Variants in MACF1 observed in about 807,000 individuals in gnomAD.
MACF1 encodes the protein microtubule-actin cross-linking factor 1.
In MACF1, 193 loss-of-function variants were observed where a neutral mutation model predicts 854.8. That is an observed-to-expected ratio of 0.23 (90% confidence interval 0.20 to 0.25). The LOEUF (loss-of-function observed/expected upper bound fraction) is 0.25, where lower values mean the gene tolerates loss of function less well. MACF1 is among the 10% of genes least tolerant of loss of function. The probability of loss-of-function intolerance (pLI) is 1.00; values close to 1 mark genes in which losing one functional copy is unlikely to be tolerated. For missense variants in MACF1, 7,722 were observed against 8,929.1 expected, an observed-to-expected ratio of 0.86 and a Z score of 5.45; for synonymous variants, 3,185 against 3,226.7, an observed-to-expected ratio of 0.99 and a Z score of 0.44.
chr1:39,375,078 C>G (rs1317753428), intron 52 of MACF1, among the ~76,000 whole-genome samples: 1 of 151,454 alleles, frequency 6.6e-6, no homozygotes, highest in African/African-American at 2.4e-5. Context: ...CCACTGCACT[C>G]CAGCCTGGGT....
chr1:39,155,408 A>G (rs1044468527), intron 2 of MACF1, among the ~76,000 whole-genome samples: 4 of 151,986 alleles, frequency 2.6e-5, no homozygotes, highest in Non-Finnish European at 5.9e-5. Context: ...TTAGGTGGGA[A>G]GAGTCTCTGA....
intron 1 of MACF1, among the ~76,000 whole-genome samples, chr1:39,217,008 C>G (rs1415350833): frequency 6.6e-6 from 1 of 152,154 alleles, no homozygotes; most frequent in African/African-American, 2.4e-5. Flanking sequence ...TAACCTTTCT[C>G]TAGCTCGGTT....
chr1:39,175,993 C>T (rs1457170589), intron 2 of MACF1, among the ~76,000 whole-genome samples: 2 of 150,030 alleles, frequency 1.3e-5, no homozygotes, highest in Admixed American at 1.3e-4. Flanking sequence ...ACCTGTAGTC[C>T]CAGCTACTCG....
chr1:39,309,688 C>T lies in MACF1; in HGVS notation c.2908C>T (p.Leu970=), dbSNP rs747536635. The change falls in exon 24 of 101, where the codon CTA becomes TTA. Residue 970 remains leucine, a synonymous_variant. Transcript: ENST00000564288. ...CCTTGACCTTGTACAGACCTGGAAC[C>T]TAGAAAAGGTAATTATGAAAACCTT... is the stretch of plus-strand genomic sequence containing the variant. ...KDLDLVQTWN[L]EKLRSSAPGE... 1 of 1,610,052 alleles carries T rather than the reference C, an allele frequency of 6.2e-7. No individual in the cohort carries two copies. Among genetic ancestry groups the T allele is most frequent in the South Asian group, 1.1e-5 (1 of 89,876 alleles).
rs749701899 is a variant in MACF1, at chr1:39,331,434, C to A, written c.4846C>A (p.Gln1616Lys). 3.7e-6 allele frequency: 6 copies of A among 1,614,126 alleles called. No homozygotes were observed. The highest frequency in any genetic ancestry group is 1.7e-5 in the Admixed American group (1 of 60,016). ...GATGTACCAGCAGCTCCGGGAGCTA[C>A]AGGATGCCCTGGCCTTAATAAGCAG... Reference protein sequence around the residue: ...PQMYQQLRELQDALALISRLT... With the variant: ...PQMYQQLRELKDALALISRLT... The change falls in exon 37 of 101, where the codon CAG becomes AAG. Residue 1616 changes from glutamine to lysine, a missense_variant. By Grantham distance (53) the Gln-to-Lys change is moderately conservative. Transcript: ENST00000564288.
At chr1:39,118,469 AT>A (rs1316985711) in intron 2 of MACF1, among the ~76,000 whole-genome samples, 2 of 152,238 alleles carry the variant, frequency 1.3e-5, no homozygotes, top group Non-Finnish European at 2.9e-5. Flanking sequence ...AATAAGTGTA[AT>A]AACAGTATTC....
At chr1:39,175,003 C>A (rs1294032014) in intron 2 of MACF1, among the ~76,000 whole-genome samples, 1 of 152,182 alleles carries the variant, frequency 6.6e-6, no homozygotes, top group Non-Finnish European at 1.5e-5. Context: ...CTACCTTCTT[C>A]CCCAAATTGC....
Position 39,413,736 on chromosome 1 carries a change from C to T in MACF1, c.15817-8638C>T, listed in dbSNP as rs1468052497. 2.5e-6 allele frequency: 4 copies of T among 1,605,476 alleles called. No homozygotes were observed. The African/African-American group carries it at 5.4e-5, about 22-fold the overall frequency. ...CAGTGCCCACCCCAGAGGAATCCGC[C>T]TCCGCAGCTGTTGCAGTGCCCACCC... is the stretch of plus-strand genomic sequence containing the variant. On this transcript the variant is annotated intron_variant, in intron 58 of 100. Coordinates refer to ENST00000564288, the MANE Select transcript of MACF1 (RefSeq NM_001394062.1).
At chr1:39,477,084 TATATATACACAC>T (rs1163008685) in intron 97 of MACF1, among the ~76,000 whole-genome samples, 1 of 12,774 alleles carries the variant, frequency 7.8e-5, no homozygotes, top group African/African-American at 2.8e-4. Context: ...TATATATATA[TATATATACACAC>T]ACACACATAT....
chr1:39,332,439 A>G lies in MACF1; in HGVS notation c.5851A>G (p.Ser1951Gly), dbSNP rs369196234. The G allele has an allele frequency of 6.2e-6, 10 of 1,613,948 alleles. No individual in the cohort carries two copies. Among genetic ancestry groups the G allele is most frequent in the Non-Finnish European group, 8.5e-6 (10 of 1,180,024 alleles). Residue 1951 changes from serine to glycine, a missense_variant, in exon 37 of 101, where the codon AGC (serine) becomes GGC (glycine). Physicochemically the swap from Ser to Gly is moderately conservative, Grantham distance 56 (BLOSUM62 0). Around this residue, in one of 15 missense-constraint regions of MACF1, gnomAD observed 1,531 missense variants for 1,601.6 expected, o/e 0.96. Coordinates refer to ENST00000564288, the MANE Select transcript of MACF1 (RefSeq NM_001394062.1). ...PGAAVLPCSK[S>G]HPKATASQSE... is the part of the protein sequence containing the mutation. ...AGCAGCAGTTCTACCGTGCAGCAAG[A>G]GCCACCCTAAGGCCACAGCAAGCCA...
chr1:39,403,387 C>T (rs1037072235), intron 58 of MACF1, among the ~76,000 whole-genome samples: 1 of 152,224 alleles, frequency 6.6e-6, no homozygotes, highest in African/African-American at 2.4e-5. Context: ...GTGTGAGCCA[C>T]CACGCCTGGC....
intron 2 of MACF1, among the ~76,000 whole-genome samples, chr1:39,172,560 T>C (rs1054924552): frequency 3.4e-4 from 51 of 152,136 alleles, no homozygotes; most frequent in African/African-American, 1.2e-3. Context: ...CCTCAAGATT[T>C]GGTACCATTA....
chr1:39,335,055 C>T lies in MACF1; in HGVS notation c.8467C>T (p.Gln2823Ter). The T allele has an allele frequency of 6.2e-7, 1 of 1,613,862 alleles. No homozygotes were observed. The highest frequency in any genetic ancestry group is 8.5e-7 in the Non-Finnish European group (1 of 1,179,952). ...ATTTCAAGTTGAAAATCAGTCTGCA[C>T]AAGAAAAGGTTAAAGTGAGAGTTTC... Reference protein sequence around the residue: ...RLFQVENQSAQEKVKVRVSDG... With the variant: ...RLFQVENQSA Residue 2823 changes from glutamine (Q) to a stop codon, truncating the protein, a stop_gained, in exon 37 of 101, where the codon CAA becomes TAA. Coordinates refer to ENST00000564288, the MANE Select transcript of MACF1 (RefSeq NM_001394062.1). LOFTEE classifies it high-confidence loss of function.
At chr1:39,307,783 A>G (rs1212734025) in intron 23 of MACF1, among the ~76,000 whole-genome samples, 1 of 151,268 alleles carries the variant, frequency 6.6e-6, no homozygotes, top group African/African-American at 2.4e-5. Flanking sequence ...CATGTTGGCC[A>G]GGCTGGTCTT....
chr1:39,146,127 G>A (rs1457138706), intron 2 of MACF1, among the ~76,000 whole-genome samples: 11 of 152,236 alleles, frequency 7.2e-5, no homozygotes, highest in Non-Finnish European at 4.4e-5. Flanking sequence ...CCACCTAAGT[G>A]TCCATCAACA....
chr1:39,418,160 G>A (rs1235940804), intron 58 of MACF1, among the ~76,000 whole-genome samples: 1 of 152,240 alleles, frequency 6.6e-6, no homozygotes, highest in East Asian at 1.9e-4. Flanking sequence ...TGGGGCTGAG[G>A]GAGTTATCAA....
chr1:39,355,710 C>A (rs868686744), intron 44 of MACF1, among the ~76,000 whole-genome samples: 1 of 152,026 alleles, frequency 6.6e-6, no homozygotes, highest in Non-Finnish European at 1.5e-5. Context: ...GTGATCCACC[C>A]GCCTTGGCCT....
chr1:39,310,574 T>G, intron 25 of MACF1, 146 bp downstream of exon 25: 1 of 907,284 alleles, frequency 1.1e-6, no homozygotes, highest in Non-Finnish European at 1.6e-6. Context: ...GAAGAACTTA[T>G]AGATGAATTC....
At position 39,439,309 on chromosome 1, in the gene MACF1, T is replaced by A. The variant is rs371375394; in HGVS notation, c.18256T>A (p.Trp6086Arg). Residue 6086 changes from tryptophan (W) to arginine (R), a missense_variant, in exon 72 of 101, where the codon TGG (tryptophan) becomes AGG (arginine). By Grantham distance (101) the Trp-to-Arg change is moderately radical (BLOSUM62 -3). This residue lies in a region of MACF1 where 2,807 missense variants were observed against 3,235.8 expected (regional missense o/e 0.87). Transcript: ENST00000564288. ...TAAATTGGATCAAATGGTATTCTTC[T>A]GGGAGGACATCAAAGCTCGGGCTGA... ...QDKLDQMVFFWEDIKARAEER... is the reference protein window; with the variant it reads ...QDKLDQMVFFREDIKARAEER... The A allele has an allele frequency of 2.2e-5, 35 of 1,613,820 alleles. No individual in the cohort carries two copies. Among genetic ancestry groups the A allele is most frequent in the Non-Finnish European group, 8.5e-7 (1 of 1,179,836 alleles).
Sources: gnomAD v4.1 joint callset for allele counts (sites outside exome capture counted in the v4.1 genomes callset) on GRCh38, gnomAD v4.1.1 for gene constraint, gnomAD v4.1.1 regional missense constraint, MANE v1.5 for transcripts, NCBI Gene and HGNC (gene_info 2026-07-23, HGNC 2026-07-21) for gene names.